SLC23A1: variants seen among roughly 807,000 people sequenced by gnomAD.
The protein encoded by SLC23A1 is Na(+)/L-ascorbic acid transporter 1.
In SLC23A1, 31 loss-of-function variants were observed where a neutral mutation model predicts 62.5. That is an observed-to-expected ratio of 0.50 (90% CI 0.37 to 0.67). SLC23A1 has a LOEUF of 0.67. Ranked by LOEUF, SLC23A1 falls within the 30% of genes least tolerant of loss-of-function variation. SLC23A1 has a pLI of 0.00. For missense variants in SLC23A1, 640 were observed against 782.7 expected, an observed-to-expected ratio of 0.82 and a Z score of 2.18; for synonymous variants, 271 against 313.2, an observed-to-expected ratio of 0.87 and a Z score of 1.42.
rs368381976 is a variant in SLC23A1 at position 139,382,488 on chromosome 5, C to G, written c.150+4G>C. 5 of 1,586,470 alleles carry G rather than the reference C, an allele frequency of 3.2e-6. No individual in the cohort carries two copies. The highest frequency in any genetic ancestry group is 4.3e-6 in the Non-Finnish European group (5 of 1,155,610). On this transcript the variant is annotated splice_donor_region_variant and intron_variant, in intron 2 of 14. Transcript: ENST00000348729. ...TGAGGGCGGGGAGGCCCTGGGGGAC[C>G]CACCTGGAAGCCCAGCAGGATGCAC...
rs201904931 is a variant in SLC23A1, at chr5:139,380,553, A to G, written c.465+12T>C. 52 of 1,613,534 alleles carry G rather than the reference A, an allele frequency of 3.2e-5. No individual in the cohort carries two copies. Among genetic ancestry groups the G allele is most frequent in the Non-Finnish European group, 4.2e-5 (50 of 1,179,568 alleles). ...AGGACCCGGCCTCTTCTATGCTTAC[A>G]TGCAAACCCACCTCCCGTATCCGTG... On this transcript the variant is annotated intron_variant, in intron 5 of 14. Coordinates refer to ENST00000348729, the MANE Select transcript of SLC23A1 (RefSeq NM_005847.5).
intron 13 of SLC23A1, among the ~76,000 whole-genome samples, 192 bp from the exon 14 acceptor site, chr5:139,372,445 A>T (rs1757719286): frequency 6.6e-6 from 1 of 152,208 alleles, no homozygotes. Flanking sequence ...ACTAAAGGAT[A>T]CTAGTTATAG....
chr5:139,381,783 A>C (rs1404432446), intron 3 of SLC23A1, 109 bp downstream of exon 3: 1 of 879,366 alleles, frequency 1.1e-6, no homozygotes, highest in Non-Finnish European at 1.8e-6. Flanking sequence ...GTGGAGGCAG[A>C]AAGCGGCTTT....
rs1758054115 is a variant in SLC23A1, at chr5:139,378,348, C to T, written c.1183G>A (p.Gly395Ser). 1 of 1,561,248 alleles carries T rather than the reference C, an allele frequency of 6.4e-7. No homozygotes were observed. The change falls in exon 11 of 15, where the codon GGC (glycine) becomes AGC (serine). Residue 395 changes from glycine (G) to serine (S), a missense_variant. Coordinates refer to ENST00000348729, the MANE Select transcript of SLC23A1 (RefSeq NM_005847.5). This position sits in a 1 kb window ranked among gnomAD's most constrained non-coding sequence, Gnocchi z 4.5. The part of the protein sequence containing the change: ...NIGVLGITKV[G>S]SRRVVQYGAA... ...CCATACTGCACCACGCGCCGGCTGC[C>T]CACCTGCCGGGGAGCCAGCGGGGAA...
At chr5:139,383,402 G>A (rs903078889), upstream of SLC23A1, 295 of 1,448,798 alleles carry the variant, frequency 2.0e-4, no homozygotes, top group Non-Finnish European at 2.4e-4. Context: ...AGGGGGGCCC[G>A]GGCAGAGGTA....
intron 13 of SLC23A1, among the ~76,000 whole-genome samples, chr5:139,376,238 C>T (rs1475132038): frequency 1.3e-5 from 2 of 149,246 alleles, no homozygotes; most frequent in Non-Finnish European, 3.0e-5. Flanking sequence ...GGCACGATCT[C>T]GGCCCACCGC....
Position 139,378,448 on chromosome 5 carries a change from G to A in SLC23A1, c.1180-97C>T. The A allele has an allele frequency of 2.7e-6, 4 of 1,480,320 alleles. No individual in the cohort carries two copies. Among genetic ancestry groups the A allele is most frequent in the South Asian group, 1.3e-5 (1 of 79,516 alleles). 91.7% of individuals were successfully genotyped at this position (1,480,320 alleles called of 1,614,324 possible). A position where few individuals can be genotyped will look rare whatever the true frequency, so the allele number is the denominator to read the frequency against. ...CTGTTATAAGAGCGAGGCATAAACC[G>A]GCTGGGGCTTGATGCGGGGGCGAGG... On this transcript the variant is annotated intron_variant, in intron 10 of 14. Coordinates refer to ENST00000348729, the MANE Select transcript of SLC23A1 (RefSeq NM_005847.5). This position sits in a 1 kb window ranked among gnomAD's most constrained non-coding sequence, Gnocchi z 4.5.
chr5:139,385,558 A>G (rs1758483571), upstream of SLC23A1, among the ~76,000 whole-genome samples: 1 of 152,170 alleles, frequency 6.6e-6, no homozygotes, highest in African/African-American at 2.4e-5. Context: ...CTGCGTGCAC[A>G]GTTTTCCTTG....
At chr5:139,382,300 AG>A (rs1316779001) in intron 2 of SLC23A1, 191 bp downstream of exon 2, 3 of 599,668 alleles carry the variant, frequency 5.0e-6, no homozygotes, top group Non-Finnish European at 8.9e-6. Context: ...CCACCTGGCA[AG>A]CGTCACACTC....
Position 139,378,027 on chromosome 5 carries a change from G to A in SLC23A1, c.1401C>T (p.Phe467=). 1.2e-6 allele frequency: 2 copies of A among 1,614,020 alleles called. No individual in the cohort carries two copies. The highest frequency in any genetic ancestry group is 8.5e-7 in the Non-Finnish European group (1 of 1,179,952). ...NLFVLGFSMF[F]GLTLPNYLES... ...CCAGGTAATTGGGCAGCGTGAGCCCGAAGAACATGGAAAATCCCAGCACGA... is the reference window on the plus strand; with the variant it reads ...CCAGGTAATTGGGCAGCGTGAGCCCAAAGAACATGGAAAATCCCAGCACGA... The change falls in exon 12 of 15, where the codon TTC becomes TTT. Residue 467 remains phenylalanine, a synonymous_variant. Transcript: ENST00000348729. This position sits in a 1 kb window ranked among gnomAD's most constrained non-coding sequence, Gnocchi z 4.5.
rs1758033034 is a variant in SLC23A1 at position 139,378,101 on chromosome 5, C to G, written c.1327G>C (p.Gly443Arg). 1.2e-6 allele frequency: 2 copies of G among 1,614,192 alleles called. No individual in the cohort carries two copies. The highest frequency in any genetic ancestry group is 1.7e-5 in the Admixed American group (1 of 60,018). Residue 443 changes from glycine to arginine, a missense_variant, in exon 12 of 15, where the codon GGG becomes CGG. By Grantham distance (125) the Gly-to-Arg change is moderately radical (BLOSUM62 -2). Coordinates refer to ENST00000348729, the MANE Select transcript of SLC23A1 (RefSeq NM_005847.5). The surrounding 1 kb of genome is among the most constrained non-coding windows in gnomAD (Gnocchi z 4.5). ...CTLFGMITAV[G>R]LSNLQFVDMN... is the part of the protein sequence containing the mutation. ...TCCACAAATTGCAGGTTGGACAGCC[C>G]CACAGCTGTAATCATGCCTAAGGGC...
At chr5:139,380,534 C>A (rs201869544) in intron 5 of SLC23A1, 31 bp downstream of exon 5, 2 of 1,610,520 alleles carry the variant, frequency 1.2e-6, no homozygotes, top group Admixed American at 3.3e-5. Flanking sequence ...CCTCAGGACC[C>A]GGCCTCTTCT....
Position 139,379,353 on chromosome 5 carries a change from A to G in SLC23A1, c.927T>C (p.Cys309=). The G allele has an allele frequency of 6.2e-7, 1 of 1,613,996 alleles. No individual in the cohort carries two copies. Among genetic ancestry groups the G allele is most frequent in the Middle Eastern group, 1.6e-4 (1 of 6,062 alleles). Residue 309 remains cysteine (C), a splice_region_variant and synonymous_variant, in exon 9 of 15, where the codon TGT becomes TGC. Coordinates refer to ENST00000348729, the MANE Select transcript of SLC23A1 (RefSeq NM_005847.5). This position sits in a 1 kb window ranked among gnomAD's most constrained non-coding sequence, Gnocchi z 4.7. ...IAPWIRIPYP[C]QWGLPTVTAA... is the part of the protein sequence containing the mutation. ...CAGTCACCGTGGGCAGGCCCCACTG[A>G]CCTGTGCTCGGAGGGAGACAGGATG...
chr5:139,382,562 G>A lies in SLC23A1; in HGVS notation c.80C>T (p.Pro27Leu), dbSNP rs780034055. ...RDPSTPLPTE[P>L]KFDMLYKIED... ...GATCTTGTACAACATGTCAAACTTA[G>A]GCTCTGTGGGTAGCGGGGTCGAGGG... The change falls in exon 2 of 15, where the codon CCT (proline) becomes CTT (leucine). Residue 27 changes from proline (P) to leucine (L), a missense_variant. Physicochemically the swap from Pro to Leu is moderately conservative, Grantham distance 98 (BLOSUM62 -3). Coordinates refer to ENST00000348729, the MANE Select transcript of SLC23A1 (RefSeq NM_005847.5). 7 of 1,613,502 alleles carry A rather than the reference G, an allele frequency of 4.3e-6. No individual in the cohort carries two copies. The highest frequency in any genetic ancestry group is 4.2e-6 in the Non-Finnish European group (5 of 1,179,714).
chr5:139,367,481 T>G lies in SLC23A1; in HGVS notation c.*170A>C, dbSNP rs1004220328. On this transcript the variant is annotated 3_prime_UTR_variant, in exon 15 of 15. Coordinates refer to ENST00000348729, the MANE Select transcript of SLC23A1 (RefSeq NM_005847.5). ...ACTTTGGCCCATTCCCCCCCACCCCTTTTTTTTTAACTGATGCAAAAATTT... is the reference window on the plus strand; with the variant it reads ...ACTTTGGCCCATTCCCCCCCACCCCGTTTTTTTTAACTGATGCAAAAATTT... 1 of 150,024 alleles carries G rather than the reference T, an allele frequency of 6.7e-6. No individual in the cohort carries two copies. Among genetic ancestry groups the G allele is most frequent in the East Asian group, 2.0e-4 (1 of 5,098 alleles). 9.3% of individuals were successfully genotyped at this position (150,024 alleles called of 1,614,324 possible).
At chr5:139,376,911 C>T (rs1757974930) in intron 13 of SLC23A1, among the ~76,000 whole-genome samples, 1 of 152,106 alleles carries the variant, frequency 6.6e-6, no homozygotes, top group African/African-American at 2.4e-5. Context: ...CACTTGAGGT[C>T]AGGAGTTCAA....
In SLC23A1 at chr5:139,378,037, G is replaced by GA; in HGVS notation, c.1390dup (p.Ser464PhefsTer25). ...GGGCAGCGTGAGCCCGAAGAACATG[G>GA]AAAATCCCAGCACGAAGAGGTTGCG... On this transcript the variant is annotated frameshift_variant, in exon 12 of 15. Transcript: ENST00000348729. LOFTEE classifies it high-confidence loss of function. The surrounding 1 kb of genome is among the most constrained non-coding windows in gnomAD (Gnocchi z 4.5). 6.2e-7 allele frequency: 1 copy of GA among 1,614,142 alleles called. No homozygotes were observed. The highest frequency in any genetic ancestry group is 8.5e-7 in the Non-Finnish European group (1 of 1,180,008).
rs1186150486 is a variant in SLC23A1 at position 139,378,300 on chromosome 5, C to T, written c.1231G>A (p.Gly411Ser). 1 of 1,593,716 alleles carries T rather than the reference C, an allele frequency of 6.3e-7. No homozygotes were observed. Among genetic ancestry groups the T allele is most frequent in the Non-Finnish European group, 8.5e-7 (1 of 1,170,828 alleles). ...AGGGCCGTGAACTTGCCGATGGTGC[C>T]CAGGACCAGCATGATAGCCGCACCA... ...QYGAAIMLVL[G>S]TIGKFTALFA... The change falls in exon 11 of 15, where the codon GGC (glycine) becomes AGC (serine). Residue 411 changes from glycine (G) to serine (S), a missense_variant. By Grantham distance (56) the Gly-to-Ser change is moderately conservative. Transcript: ENST00000348729. This position sits in a 1 kb window ranked among gnomAD's most constrained non-coding sequence, Gnocchi z 4.5.
At chr5:139,383,907 T>A (rs184984805), upstream of SLC23A1, among the ~76,000 whole-genome samples, 1 of 152,266 alleles carries the variant, frequency 6.6e-6, no homozygotes, top group African/African-American at 2.4e-5. Context: ...CCCCTCAGGG[T>A]CCCTGAGGCA....
Sources: allele counts gnomAD v4.1 joint callset (sites outside exome capture counted in the v4.1 genomes callset), GRCh38; gene constraint gnomAD v4.1.1; non-coding constraint Gnocchi (gnomAD v3.1); transcripts MANE v1.5; gene names NCBI Gene and HGNC (gene_info 2026-07-23, HGNC 2026-07-21).